Variants in CLIP2 observed in about 807,000 individuals in gnomAD.
CLIP2 encodes CAP-Gly domain-containing linker protein 2.
CLIP2 carries 41 observed loss-of-function variants against 111.7 expected under a neutral mutation model. The observed-to-expected ratio is 0.37, with a 90% CI of 0.29 to 0.48. The LOEUF is 0.48. Ranked by LOEUF, CLIP2 falls within the 20% of genes least tolerant of loss-of-function variation. The pLI is 0.99. For synonymous variants in CLIP2, 660 were observed against 644.2 expected, an observed-to-expected ratio of 1.02 and a Z score of -0.37; for missense variants, 1,160 against 1,422.1, an observed-to-expected ratio of 0.82 and a Z score of 2.96.
At chr7:74,322,197 G>A (rs1290703901) in intron 2 of CLIP2, among the ~76,000 whole-genome samples, 1 of 151,520 alleles carries the variant, frequency 6.6e-6, no homozygotes, top group African/African-American at 2.4e-5. Flanking sequence ...CACCATGTTG[G>A]CCAGGCTGGT....
At position 74,338,370 on chromosome 7, in the gene CLIP2, T is replaced by A; in HGVS notation, c.122-78T>A. 6.7e-7 allele frequency: 1 copy of A among 1,492,378 alleles called. No individual in the cohort carries two copies. Among genetic ancestry groups the A allele is most frequent in the Non-Finnish European group, 9.0e-7 (1 of 1,105,640 alleles). The allele number at this position is 1,492,378 out of a possible 1,614,324, so 92.4% of individuals were successfully genotyped here. ...ATACAAATCAGCCACCTCCCAACCC[T>A]AGACTCTGTGCTCCTGGGGCCACCC... On this transcript the variant is annotated intron_variant, in intron 2 of 16. Coordinates refer to ENST00000223398, the MANE Select transcript of CLIP2 (RefSeq NM_003388.5). This position sits in a 1 kb window ranked among gnomAD's most constrained non-coding sequence, Gnocchi z 4.3.
In CLIP2 at chr7:74,380,680, G is replaced by A. The variant is rs1166706129; in HGVS notation, c.2422-126G>A. ...CCCTGCCACCGCAGCAAGTCCCTGA[G>A]TCCGTCACTGAGGTCCCCCTTTGTA... On this transcript the variant is annotated intron_variant, in intron 10 of 16. Transcript: ENST00000223398. 9.6e-6 allele frequency: 7 copies of A among 728,372 alleles called. No individual in the cohort carries two copies. In the Admixed American group the frequency reaches 1.5e-4, roughly 16 times the overall value. 45.1% of individuals were successfully genotyped at this position (728,372 alleles called of 1,614,324 possible). A position where few individuals can be genotyped will look rare whatever the true frequency, so the allele number is the denominator to read the frequency against.
chr7:74,313,228 C>T lies in CLIP2; in HGVS notation c.-67-4252C>T, dbSNP rs910024586. Among the ~76,000 whole-genome samples, 7 of 151,728 alleles carry T rather than the reference C, an allele frequency of 4.6e-5. No homozygotes were observed. In the South Asian group the frequency reaches 1.5e-3, roughly 32 times the overall value. ...CCTGTGGTCCCAGCTACTCGGGAGCCTGGGAGGTTGAGGCTGCAGTGAGCT... is the reference window on the plus strand; with the variant it reads ...CCTGTGGTCCCAGCTACTCGGGAGCTTGGGAGGTTGAGGCTGCAGTGAGCT... On this transcript the variant is annotated intron_variant, in intron 1 of 16. Coordinates refer to ENST00000223398, the MANE Select transcript of CLIP2 (RefSeq NM_003388.5).
At chr7:74,381,002 C>G in intron 11 of CLIP2, 139 bp downstream of exon 11, 1 of 790,320 alleles carries the variant, frequency 1.3e-6, no homozygotes, top group Non-Finnish European at 2.2e-6. Flanking sequence ...GAGCTATGTA[C>G]TCCTGCAAGG....
chr7:74,361,764 C>T (rs1790336794), intron 7 of CLIP2, among the ~76,000 whole-genome samples: 1 of 152,170 alleles, frequency 6.6e-6, no homozygotes, highest in Non-Finnish European at 1.5e-5. Flanking sequence ...CTGAAATGCC[C>T]TGTGTCCAGG....
rs1287356765 is a variant in CLIP2 at position 74,338,938 on chromosome 7, C to T, written c.612C>T (p.Ser204=). 1 of 1,600,414 alleles carries T rather than the reference C, an allele frequency of 6.2e-7. No individual in the cohort carries two copies. The highest frequency in any genetic ancestry group is 8.5e-7 in the Non-Finnish European group (1 of 1,179,880). Residue 204 remains serine, a synonymous_variant, in exon 3 of 17, where the codon TCC becomes TCT. Transcript: ENST00000223398. This position sits in a 1 kb window ranked among gnomAD's most constrained non-coding sequence, Gnocchi z 4.3. ...SSVKTGNESG[S]NLSDSGSVKR... is the part of the protein sequence containing the mutation. ...TGAAGACTGGCAACGAGTCGGGATC[C>T]AACCTCTCAGACAGCGGCTCTGTGA...
chr7:74,324,193 T>C (rs1372652460), intron 2 of CLIP2, among the ~76,000 whole-genome samples: 2 of 152,084 alleles, frequency 1.3e-5, no homozygotes, highest in African/African-American at 2.4e-5. Flanking sequence ...AGTTTCGCCA[T>C]GTTGGTCAGG....
At chr7:74,346,726 A>AC (rs1332409810) in intron 3 of CLIP2, among the ~76,000 whole-genome samples, 12 of 92,568 alleles carry the variant, frequency 1.3e-4, no homozygotes, top group African/African-American at 3.4e-4. Flanking sequence ...CTCAAAAAAA[A>AC]AAAAAAAAAA....
In CLIP2 at chr7:74,405,268, CA is replaced by C. The variant is rs1554318388; in HGVS notation, c.*1421del. ...ACAGCTTTGCACCCCGGCATCAGCA[CA>C]GGGGTCCCTGCCCCACCCTCCGGCA... On this transcript the variant is annotated 3_prime_UTR_variant, in exon 17 of 17. Coordinates refer to ENST00000223398, the MANE Select transcript of CLIP2 (RefSeq NM_003388.5). The C allele has an allele frequency of 6.6e-6, 1 of 152,282 alleles. No homozygotes were observed. The highest frequency in any genetic ancestry group is 2.4e-5 in the African/African-American group (1 of 41,448). 9.4% of individuals were successfully genotyped at this position (152,282 alleles called of 1,614,324 possible).
intron 2 of CLIP2, among the ~76,000 whole-genome samples, chr7:74,326,331 C>T (rs970306442): frequency 3.8e-4 from 58 of 152,274 alleles, no homozygotes; most frequent in African/African-American, 1.3e-3. Context: ...CCAGACTGAG[C>T]GCCTGCTGCC....
chr7:74,343,083 G>A (rs1418598031), intron 3 of CLIP2, among the ~76,000 whole-genome samples: 1 of 151,790 alleles, frequency 6.6e-6, no homozygotes, highest in Non-Finnish European at 1.5e-5. Flanking sequence ...AGCTACTCAG[G>A]AGGTTGAGGC....
At chr7:74,360,088 T>G in intron 6 of CLIP2, 87 bp from the exon 7 acceptor site, 1 of 1,109,170 alleles carries the variant, frequency 9.0e-7, no homozygotes. Flanking sequence ...CAGGCCCTGC[T>G]CCTTGCCTGT....
intron 7 of CLIP2, among the ~76,000 whole-genome samples, chr7:74,361,168 C>T (rs1199462262): frequency 1.7e-5 from 2 of 115,374 alleles, no homozygotes; most frequent in African/African-American, 8.6e-5. Flanking sequence ...CCCTCCCTCC[C>T]TCCCTTCTTT....
intron 8 of CLIP2, among the ~76,000 whole-genome samples, chr7:74,369,563 T>A (rs1279259471): frequency 2.0e-5 from 3 of 150,608 alleles, no homozygotes; most frequent in Admixed American, 6.6e-5. Flanking sequence ...TAAATAAAAA[T>A]TTTTAAAATA....
At chr7:74,330,245 T>C (rs1554731108) in intron 2 of CLIP2, among the ~76,000 whole-genome samples, 1 of 89,014 alleles carries the variant, frequency 1.1e-5, no homozygotes, top group African/African-American at 3.0e-5. Flanking sequence ...TGGTGTTTCT[T>C]TTCTTTTTTT....
intron 2 of CLIP2, among the ~76,000 whole-genome samples, chr7:74,326,550 G>A (rs367653565): frequency 1.3e-5 from 2 of 152,128 alleles, no homozygotes; most frequent in East Asian, 1.9e-4. Context: ...ACCCTTAGAC[G>A]GGGAGTTGGG....
chr7:74,300,122 G>A (rs1175861431), intron 1 of CLIP2, among the ~76,000 whole-genome samples: 1 of 151,986 alleles, frequency 6.6e-6, no homozygotes, highest in Non-Finnish European at 1.5e-5. Flanking sequence ...TGGTAGCTGG[G>A]AATTCAGGTA....
At chr7:74,308,059 C>T (rs546763922) in intron 1 of CLIP2, among the ~76,000 whole-genome samples, 3 of 152,274 alleles carry the variant, frequency 2.0e-5, no homozygotes, top group East Asian at 3.9e-4. Flanking sequence ...ACAGCATACT[C>T]TCTCCTCCTT....
intron 3 of CLIP2, among the ~76,000 whole-genome samples, chr7:74,352,685 ATCAACAC>A (rs1231410927): frequency 7.2e-6 from 1 of 138,524 alleles, no homozygotes; most frequent in Non-Finnish European, 1.6e-5. Context: ...AGGTAGGAGA[ATCAACAC>A]TGTCTCAAAA....
Sources: allele counts gnomAD v4.1 joint callset (sites outside exome capture counted in the v4.1 genomes callset), GRCh38; gene constraint gnomAD v4.1.1; non-coding constraint Gnocchi (gnomAD v3.1); transcripts MANE v1.5; gene names NCBI Gene and HGNC (gene_info 2026-07-23, HGNC 2026-07-21).